Variants in VPS13A observed in about 807,000 individuals in gnomAD.
VPS13A encodes the protein vacuolar protein sorting 13 homolog A, also known as intermembrane lipid transfer protein VPS13A.
In VPS13A, 264 loss-of-function variants were observed where a neutral mutation model predicts 390.9. That is an observed-to-expected ratio of 0.68 (90% CI 0.61 to 0.75). The LOEUF (loss-of-function observed/expected upper bound fraction) is 0.75, where lower values mean the gene tolerates loss of function less well. Among genes scored for constraint, VPS13A ranks in the 30% least tolerant of loss-of-function variants. The probability of loss-of-function intolerance (pLI) is 0.00; values close to 1 mark genes in which losing one functional copy is unlikely to be tolerated. For missense variants in VPS13A, 3,409 were observed against 3,733.9 expected (o/e 0.91, Z 2.27); for synonymous variants, 1,231 against 1,227.1 (o/e 1.00, Z -0.07).
At chr9:77,233,150 T>C (rs1430906241) in intron 17 of VPS13A, among the ~76,000 whole-genome samples, 1 of 152,128 alleles carries the variant, frequency 6.6e-6, no homozygotes, top group Non-Finnish European at 1.5e-5. Context: ...TTTTGTAATT[T>C]ATATATTTCT....
chr9:77,275,491 A>G lies in VPS13A; in HGVS notation c.2513-7A>G. 2.5e-6 allele frequency: 4 copies of G among 1,612,950 alleles called. No homozygotes were observed. Among genetic ancestry groups the G allele is most frequent in the Non-Finnish European group, 3.4e-6 (4 of 1,179,146 alleles). Reference sequence around the variant, plus strand: ...TATTGACTTAAATAATGTTCTGTGAAATGTAGATTCAGAGGAGGAATTTTT... The same window carrying G: ...TATTGACTTAAATAATGTTCTGTGAGATGTAGATTCAGAGGAGGAATTTTT... On this transcript the variant is annotated splice_region_variant and splice_polypyrimidine_tract_variant and intron_variant, in intron 24 of 71. Coordinates refer to ENST00000360280, the MANE Select transcript of VPS13A (RefSeq NM_033305.3).
Position 77,250,355 on chromosome 9 carries a change from T to C in VPS13A, c.2170+126T>C. On this transcript the variant is annotated intron_variant, in intron 21 of 71. Transcript: ENST00000360280. Reference sequence around the variant, plus strand: ...TATATTTTTGAATTAGAAATGATAGTAAATATTGTCTAGCTGTTCTTACCA... The same window carrying C: ...TATATTTTTGAATTAGAAATGATAGCAAATATTGTCTAGCTGTTCTTACCA... 3 of 1,190,812 alleles carry C rather than the reference T, an allele frequency of 2.5e-6. No homozygotes were observed. The South Asian group carries it at 3.9e-5, about 16-fold the overall frequency. 73.8% of individuals were successfully genotyped at this position (1,190,812 alleles called of 1,614,324 possible).
chr9:77,360,960 C>T lies in VPS13A; in HGVS notation c.8211+319C>T, dbSNP rs192065843. Among the ~76,000 whole-genome samples, 15 of 151,884 alleles carry T rather than the reference C, an allele frequency of 9.9e-5. No individual in the cohort carries two copies. The East Asian group carries it at 2.7e-3, about 27-fold the overall frequency. On this transcript the variant is annotated intron_variant, in intron 59 of 71. Coordinates refer to ENST00000360280, the MANE Select transcript of VPS13A (RefSeq NM_033305.3). The stretch of plus-strand genomic sequence containing the variant: ...ATAATTTAGAAATTTAGGGTATGTC[C>T]AGGATATTTAATGGGAGAAAGGATA...
intron 31 of VPS13A, among the ~76,000 whole-genome samples, chr9:77,288,459 T>C (rs1336686279): frequency 6.6e-6 from 1 of 152,228 alleles, no homozygotes; most frequent in Non-Finnish European, 1.5e-5. Context: ...AGTTTTGATA[T>C]GTCATATTTT....
chr9:77,393,914 G>A (rs1033287475), intron 68 of VPS13A, among the ~76,000 whole-genome samples: 16 of 151,864 alleles, frequency 1.1e-4, no homozygotes, highest in Admixed American at 9.2e-4. Context: ...GATTACAGGC[G>A]CCTGCCACAA....
In VPS13A at chr9:77,370,569, C is replaced by T; in HGVS notation, c.8898C>T (p.Gly2966=). The change falls in exon 65 of 72, where the codon GGC becomes GGT. Residue 2966 remains glycine (G), a synonymous_variant. Transcript: ENST00000360280. ...AAGGCATCACTCGTGGAGGAAAAGG[C>T]TTAGTTTCTGTAAGAAATTTCACAG... The part of the protein sequence containing the change: ...FREGITRGGK[G]LVSGFVSGIT... The T allele has an allele frequency of 2.5e-6, 4 of 1,614,042 alleles. No individual in the cohort carries two copies. Among genetic ancestry groups the T allele is most frequent in the Middle Eastern group, 1.7e-4 (1 of 6,058 alleles).
intron 19 of VPS13A, among the ~76,000 whole-genome samples, chr9:77,242,525 T>G (rs1005612364): frequency 1.3e-5 from 2 of 152,072 alleles, no homozygotes; most frequent in Non-Finnish European, 2.9e-5. Flanking sequence ...CTCTAGAAAC[T>G]GTAGGGTTTG....
intron 67 of VPS13A, among the ~76,000 whole-genome samples, chr9:77,377,022 A>C (rs1809950883): frequency 6.6e-6 from 1 of 152,166 alleles, no homozygotes; most frequent in Non-Finnish European, 1.5e-5. Context: ...ATGGCATTGA[A>C]TCTGTAGTTC....
Position 77,275,522 on chromosome 9 carries a change from C to T in VPS13A, c.2537C>T (p.Ala846Val). The T allele has an allele frequency of 1.2e-6, 2 of 1,613,624 alleles. No homozygotes were observed. Among genetic ancestry groups the T allele is most frequent in the South Asian group, 1.1e-5 (1 of 91,050 alleles). Residue 846 changes from alanine to valine, a missense_variant, in exon 25 of 72, where the codon GCA becomes GTA. Ala to Val is a moderately conservative substitution (Grantham distance 64). Coordinates refer to ENST00000360280, the MANE Select transcript of VPS13A (RefSeq NM_033305.3). Reference protein sequence around the residue: ...EDDSEEEFFDAPCSPLEEPLQ... With the variant: ...EDDSEEEFFDVPCSPLEEPLQ... ...GATTCAGAGGAGGAATTTTTTGATGCACCATGTAGTCCCTTGGAAGAACCT... is the reference window on the plus strand; with the variant it reads ...GATTCAGAGGAGGAATTTTTTGATGTACCATGTAGTCCCTTGGAAGAACCT...
intron 69 of VPS13A, among the ~76,000 whole-genome samples, chr9:77,404,980 G>C (rs926230603): frequency 6.6e-6 from 1 of 151,540 alleles, no homozygotes; most frequent in Non-Finnish European, 1.5e-5. Context: ...ATCCTAGCCA[G>C]GAGTCAGACC....
rs1250803667 is a variant in VPS13A, at chr9:77,317,606, G to A, written c.4864G>A (p.Val1622Ile). The change falls in exon 40 of 72, where the codon GTT (valine) becomes ATT (isoleucine). Residue 1622 changes from valine (V) to isoleucine (I), a missense_variant and splice_region_variant. Physicochemically the swap from Val to Ile is conservative, Grantham distance 29. Transcript: ENST00000360280. ...AGTGGTATTGATTTTTCTCTCATAG[G>A]TTTTGCAGCCCTGTGACTTGTTTTA... Reference protein sequence around the residue: ...PVKRKGKITTVLQPCDLFYQT... With the variant: ...PVKRKGKITTILQPCDLFYQT... 6.3e-7 allele frequency: 1 copy of A among 1,596,982 alleles called. No homozygotes were observed. The highest frequency in any genetic ancestry group is 1.3e-5 in the African/African-American group (1 of 74,424).
intron 67 of VPS13A, among the ~76,000 whole-genome samples, chr9:77,371,780 T>C (rs1243891560): frequency 6.9e-6 from 1 of 145,764 alleles, no homozygotes; most frequent in Admixed American, 6.8e-5. Context: ...TAGCATTAGG[T>C]ATATCTCCCA....
intron 34 of VPS13A, among the ~76,000 whole-genome samples, chr9:77,303,810 A>G (rs1009857340): frequency 1.3e-5 from 2 of 152,194 alleles, no homozygotes; most frequent in African/African-American, 2.4e-5. Context: ...ATAACAAAGC[A>G]GCATTACTGC....
At position 77,318,385 on chromosome 9, in the gene VPS13A, T is replaced by C; in HGVS notation, c.5107T>C (p.Ser1703Pro). 6.2e-7 allele frequency: 1 copy of C among 1,613,834 alleles called. No individual in the cohort carries two copies. Among genetic ancestry groups the C allele is most frequent in the Non-Finnish European group, 8.5e-7 (1 of 1,179,880 alleles). ...KTLKMWFLEE[S>P]NETEKIAPTT... Reference sequence around the variant, plus strand: ...TTTAAAAATGTGGTTTCTTGAAGAATCAAATGAAACTGAAAAAATAGCTCC... The same window carrying C: ...TTTAAAAATGTGGTTTCTTGAAGAACCAAATGAAACTGAAAAAATAGCTCC... Residue 1703 changes from serine (S) to proline (P), a missense_variant, in exon 41 of 72, where the codon TCA (serine) becomes CCA (proline). By Grantham distance (74) the Ser-to-Pro change is moderately conservative. This residue lies in a region of VPS13A where 2,717 missense variants were observed against 2,917.4 expected (regional missense o/e 0.93). Transcript: ENST00000360280.
At chr9:77,333,278 G>C (rs903524208) in intron 46 of VPS13A, among the ~76,000 whole-genome samples, 2 of 151,984 alleles carry the variant, frequency 1.3e-5, no homozygotes, top group African/African-American at 2.4e-5. Flanking sequence ...TTTTTCCAAG[G>C]CTGAATATTA....
chr9:77,237,453 C>T (rs962771479), intron 17 of VPS13A, among the ~76,000 whole-genome samples: 2 of 151,862 alleles, frequency 1.3e-5, no homozygotes, highest in African/African-American at 2.4e-5. Flanking sequence ...CAACCTCCAC[C>T]TCCCTGGTTC....
chr9:77,252,145 T>A, intron 21 of VPS13A, 90 bp from the exon 22 acceptor site: 2 of 1,056,822 alleles, frequency 1.9e-6, no homozygotes, highest in South Asian at 2.5e-5. Flanking sequence ...TTTCCTCATA[T>A]AATGGAATGT....
rs1162532796 is a variant in VPS13A at position 77,356,900 on chromosome 9, A to AT, written c.7806+39dup. ...TTTTAAGTACTGATGTGAAGTTTTA[A>AT]TTTTTTGCCTGTCGTAGTTTGGTGA... is the stretch of plus-strand genomic sequence containing the variant. On this transcript the variant is annotated intron_variant, in intron 55 of 71. Coordinates refer to ENST00000360280, the MANE Select transcript of VPS13A (RefSeq NM_033305.3). 3.1e-6 allele frequency: 5 copies of AT among 1,610,998 alleles called. No homozygotes were observed. In the Admixed American group the frequency reaches 8.3e-5, roughly 27 times the overall value.
chr9:77,378,456 A>G (rs1833233076), intron 67 of VPS13A, among the ~76,000 whole-genome samples: 2 of 152,132 alleles, frequency 1.3e-5, no homozygotes, highest in African/African-American at 2.4e-5. Flanking sequence ...AATATTTACT[A>G]GTATTCTCAT....
Sources: gnomAD v4.1 joint callset for allele counts (sites outside exome capture counted in the v4.1 genomes callset) on GRCh38, gnomAD v4.1.1 for gene constraint, gnomAD v4.1.1 regional missense constraint, MANE v1.5 for transcripts, NCBI Gene and HGNC (gene_info 2026-07-23, HGNC 2026-07-21) for gene names.